The following PTDSS1 variants were observed in gnomAD, a reference collection of about 807,000 sequenced individuals.
PTDSS1 encodes PSS-1.
In PTDSS1, 45 loss-of-function variants were observed where a neutral mutation model predicts 70.5. The ratio of observed to expected loss-of-function variants is 0.64; its 90% confidence interval spans 0.50 to 0.82. The LOEUF is 0.82. Among genes scored for constraint, PTDSS1 ranks in the 40% least tolerant of loss-of-function variants. The probability of loss-of-function intolerance (pLI) is 0.00; values close to 1 mark genes in which losing one functional copy is unlikely to be tolerated. For synonymous variants in PTDSS1, 188 were observed against 203.8 expected, an observed-to-expected ratio of 0.92 and a Z score of 0.66; for missense variants, 417 against 586.1, an observed-to-expected ratio of 0.71 and a Z score of 2.98.
intron 2 of PTDSS1, among the ~76,000 whole-genome samples, chr8:96,275,644 G>A (rs1810630586): frequency 6.6e-6 from 1 of 152,124 alleles, no homozygotes; most frequent in South Asian, 2.1e-4. Context: ...CTGTACAAAG[G>A]TGGCCTAAGA....
At position 96,273,360 on chromosome 8, in the gene PTDSS1, C is replaced by G; in HGVS notation, c.241C>G (p.Leu81Val). 1 of 1,612,632 alleles carries G rather than the reference C, an allele frequency of 6.2e-7. No individual in the cohort carries two copies. Among genetic ancestry groups the G allele is most frequent in the Non-Finnish European group, 8.5e-7 (1 of 1,179,352 alleles). ...CATCCTCTCTGTTATTTTCTTCTTTCTTATCATCAGTGTGTTAGCTTTCCC... is the reference window on the plus strand; with the variant it reads ...CATCCTCTCTGTTATTTTCTTCTTTGTTATCATCAGTGTGTTAGCTTTCCC... ...RGILSVIFFF[L>V]IISVLAFPNG... Residue 81 changes from leucine (L) to valine (V), a missense_variant, in exon 2 of 13, where the codon CTT (leucine) becomes GTT (valine). By Grantham distance (32) the Leu-to-Val change is conservative. Around this residue, in one of 3 missense-constraint regions of PTDSS1, gnomAD observed 272 missense variants for 429.5 expected, o/e 0.63. Coordinates refer to ENST00000517309, the MANE Select transcript of PTDSS1 (RefSeq NM_014754.3).
intron 1 of PTDSS1, among the ~76,000 whole-genome samples, chr8:96,264,608 A>G (rs544362499): frequency 9.2e-5 from 14 of 152,216 alleles, no homozygotes; most frequent in Admixed American, 2.6e-4. Context: ...TTTGTTTTAA[A>G]TAATGAGAAG....
At chr8:96,297,807 T>G (rs1810996613) in intron 5 of PTDSS1, among the ~76,000 whole-genome samples, 1 of 152,230 alleles carries the variant, frequency 6.6e-6, no homozygotes, top group Non-Finnish European at 1.5e-5. Flanking sequence ...ACTCGATAAG[T>G]GTCTCTTCTG....
chr8:96,284,110 T>C lies in PTDSS1; in HGVS notation c.273T>C (p.Gly91=), dbSNP rs754111929. The C allele has an allele frequency of 6.2e-7, 1 of 1,608,790 alleles. No individual in the cohort carries two copies. Among genetic ancestry groups the C allele is most frequent in the South Asian group, 1.1e-5 (1 of 90,582 alleles). ...CTTTATAATGTTATTTATCTGCAGG[T>C]CCGTTCACTCGACCTCATCCAGCCT... The part of the protein sequence containing the change: ...LIISVLAFPN[G]PFTRPHPALW... Residue 91 remains glycine (G), a splice_region_variant and synonymous_variant, in exon 3 of 13, where the codon GGT becomes GGC. Transcript: ENST00000517309.
intron 1 of PTDSS1, among the ~76,000 whole-genome samples, chr8:96,268,119 A>G (rs1300776144): frequency 6.6e-6 from 1 of 152,248 alleles, no homozygotes; most frequent in Admixed American, 6.5e-5. Context: ...TGCTGAATGA[A>G]TGGAATGCAT....
At chr8:96,284,604 G>T (rs755662808) in intron 3 of PTDSS1, among the ~76,000 whole-genome samples, 4 of 152,142 alleles carry the variant, frequency 2.6e-5, no homozygotes, top group Non-Finnish European at 4.4e-5. Context: ...TTCTGACAAA[G>T]AACCCTAATT....
chr8:96,272,526 T>A (rs1012860224), intron 1 of PTDSS1, among the ~76,000 whole-genome samples: 11 of 152,084 alleles, frequency 7.2e-5, no homozygotes, highest in African/African-American at 2.7e-4. Context: ...CATTTTTTCA[T>A]GAGATAGCTT....
chr8:96,280,454 AAAGCCTGCAGTGAGCTGAGATTG>A (rs905927653), intron 2 of PTDSS1, among the ~76,000 whole-genome samples: 39 of 152,242 alleles, frequency 2.6e-4, no homozygotes, highest in African/African-American at 6.3e-4. Context: ...TCTGGGATAC[AAAGCCTGCAGTGAGCTGAGATTG>A]AAGCCTGCAG....
chr8:96,262,282 T>TGGGGG lies in PTDSS1; in HGVS notation c.179+65_179+66insGGGGG. On this transcript the variant is annotated intron_variant, in intron 1 of 12. Coordinates refer to ENST00000517309, the MANE Select transcript of PTDSS1 (RefSeq NM_014754.3). The surrounding 1 kb of genome is among the most constrained non-coding windows in gnomAD (Gnocchi z 4.4). Reference sequence around the variant, plus strand: ...GCTAGGGAAGAGGCGGGAGGGAGGGTGGCGGGGAGGGGGGCCCGGCATGGC... The same window carrying TGGGGG: ...GCTAGGGAAGAGGCGGGAGGGAGGGTGGGGGGGCGGGGAGGGGGGCCCGGCATGGC... 7 of 250,408 alleles carry TGGGGG rather than the reference T, an allele frequency of 2.8e-5. No individual in the cohort carries two copies. Among genetic ancestry groups the TGGGGG allele is most frequent in the Non-Finnish European group, 5.6e-5 (7 of 125,576 alleles). The allele number at this position is 250,408 out of a possible 1,614,324, so 15.5% of individuals were successfully genotyped here.
Position 96,325,385 on chromosome 8 carries a change from T to C in PTDSS1, c.1174-4828T>C, listed in dbSNP as rs1042818798. On this transcript the variant is annotated intron_variant, in intron 10 of 12. Coordinates refer to ENST00000517309, the MANE Select transcript of PTDSS1 (RefSeq NM_014754.3). ...AGATTGTGTGCATAAGGCTAAAGGATACTTAGAGCAACAGACATGCTGGGG... is the reference window on the plus strand; with the variant it reads ...AGATTGTGTGCATAAGGCTAAAGGACACTTAGAGCAACAGACATGCTGGGG... Among the ~76,000 whole-genome samples the C allele has an allele frequency of 2.6e-5, 4 of 152,318 alleles. No homozygotes were observed. The East Asian group carries it at 5.8e-4, about 22-fold the overall frequency.
chr8:96,321,840 A>G (rs1414601879), intron 10 of PTDSS1, among the ~76,000 whole-genome samples: 1 of 152,218 alleles, frequency 6.6e-6, no homozygotes, highest in East Asian at 1.9e-4. Context: ...AAAAGGGAAT[A>G]ATGATCTCCT....
At chr8:96,311,023 C>T (rs570108542) in intron 9 of PTDSS1, among the ~76,000 whole-genome samples, 1 of 152,318 alleles carries the variant, frequency 6.6e-6, no homozygotes, top group East Asian at 1.9e-4. Flanking sequence ...CCTTCTGCCT[C>T]CCAAAGTGCT....
rs536830894 is a variant in PTDSS1 at position 96,325,441 on chromosome 8, C to T, written c.1174-4772C>T. 7.2e-5 allele frequency among the ~76,000 whole-genome samples: 11 copies of T among 152,284 alleles called. No individual in the cohort carries two copies. The East Asian group carries it at 2.1e-3, about 29-fold the overall frequency. ...TGAAGGCTCCTTAGTGATATGTGAG[C>T]AGGATTTTTAAGGGTTGCAGTGAAC... is the stretch of plus-strand genomic sequence containing the variant. On this transcript the variant is annotated intron_variant, in intron 10 of 12. Transcript: ENST00000517309.
intron 12 of PTDSS1, among the ~76,000 whole-genome samples, chr8:96,332,100 G>T (rs1301026135): frequency 6.7e-6 from 1 of 149,226 alleles, no homozygotes; most frequent in African/African-American, 2.5e-5. Flanking sequence ...TCATTTTAAT[G>T]GCATTTATTC....
intron 6 of PTDSS1, among the ~76,000 whole-genome samples, chr8:96,302,778 C>T (rs1488867626): frequency 6.6e-6 from 1 of 152,096 alleles, no homozygotes; most frequent in Admixed American, 6.6e-5. Flanking sequence ...GACAGGGTTT[C>T]ACCATGTTGG....
rs1208062622 is a variant in PTDSS1, at chr8:96,261,996, T to G, written c.-45T>G. On this transcript the variant is annotated 5_prime_UTR_variant, in exon 1 of 13. Transcript: ENST00000517309. ...AGTCACCCCCGGGGTCCCGGCCTTC[T>G]CGGGCTGGGGCCGCCGCCACCGCGG... 2.5e-6 allele frequency: 4 copies of G among 1,581,168 alleles called. No individual in the cohort carries two copies. In the Admixed American group the frequency reaches 7.2e-5, roughly 28 times the overall value.
intron 7 of PTDSS1, among the ~76,000 whole-genome samples, chr8:96,305,688 C>CT (rs1052338231): frequency 3.3e-5 from 5 of 151,226 alleles, no homozygotes; most frequent in African/African-American, 1.2e-4. Context: ...TCTTTTTTTG[C>CT]TTTTTTTTTG....
rs1313392981 is a variant in PTDSS1, at chr8:96,334,970, T to C, written c.*1404T>C. ...CCATAGAAGTGTCACTTTTTTTTTT[T>C]CTGCAAAAGAATTCCAAGATGAACG... On this transcript the variant is annotated 3_prime_UTR_variant, in exon 13 of 13. Transcript: ENST00000517309. 1 of 152,220 alleles carries C rather than the reference T, an allele frequency of 6.6e-6. No individual in the cohort carries two copies. Among genetic ancestry groups the C allele is most frequent in the Non-Finnish European group, 1.5e-5 (1 of 68,028 alleles). The allele number at this position is 152,220 out of a possible 1,614,324, so 9.4% of individuals were successfully genotyped here. A position where few individuals can be genotyped will look rare whatever the true frequency, so the allele number is the denominator to read the frequency against.
At chr8:96,288,267 A>G (rs1810851192) in intron 4 of PTDSS1, among the ~76,000 whole-genome samples, 1 of 152,060 alleles carries the variant, frequency 6.6e-6, no homozygotes, top group South Asian at 2.1e-4. Context: ...GGATGTGTTC[A>G]CTAACCTGGA....
Sources: gnomAD v4.1 joint callset for allele counts (sites outside exome capture counted in the v4.1 genomes callset) on GRCh38, gnomAD v4.1.1 for gene constraint, gnomAD v4.1.1 regional missense constraint, Gnocchi (gnomAD v3.1) non-coding constraint, MANE v1.5 for transcripts, NCBI Gene and HGNC (gene_info 2026-07-23, HGNC 2026-07-21) for gene names.